Variants in CDH22 observed in about 807,000 individuals in gnomAD.
CDH22 encodes cadherin 22.
A neutral mutation model predicts 58.4 loss-of-function variants in CDH22; 30 were observed. The ratio of observed to expected loss-of-function variants is 0.51; its 90% CI spans 0.38 to 0.70. CDH22 has a LOEUF of 0.70. Ranked by LOEUF, CDH22 falls within the 30% of genes least tolerant of loss-of-function variation. CDH22 has a pLI of 0.00. For missense variants in CDH22, 1,014 were observed against 1,233.9 expected (o/e 0.82, Z 2.67); for synonymous variants, 513 against 558.2 (o/e 0.92, Z 1.14).
chr20:46,230,404 A>G (rs1034169955), intron 3 of CDH22, among the ~76,000 whole-genome samples: 6 of 152,078 alleles, frequency 3.9e-5, no homozygotes, highest in Non-Finnish European at 8.8e-5. Flanking sequence ...TACCAACATG[A>G]TATCAACTGG....
intron 1 of CDH22, among the ~76,000 whole-genome samples, chr20:46,263,362 A>G (rs935535384): frequency 6.6e-6 from 1 of 152,088 alleles, no homozygotes; most frequent in Non-Finnish European, 1.5e-5. Flanking sequence ...AGTATGCAGC[A>G]GTTAGAAAGT....
At position 46,178,094 on chromosome 20, in the gene CDH22, C is replaced by T. The variant is rs539673306; in HGVS notation, c.1767G>A (p.Leu589=). The T allele has an allele frequency of 2.6e-5, 42 of 1,613,960 alleles. No individual in the cohort carries two copies. The highest frequency in any genetic ancestry group is 3.3e-5 in the South Asian group (3 of 91,058). ...GGATGGTGAGCGTGCCTGTGCTGCTCAGTGTGGGCGGCCCACTGTCTACCA... is the reference window on the plus strand; with the variant it reads ...GGATGGTGAGCGTGCCTGTGCTGCTTAGTGTGGGCGGCCCACTGTCTACCA... The part of the protein sequence containing the change: ...ILVVDSGPPT[L]SSTGTLTIRI... The change falls in exon 11 of 12, where the codon CTG becomes CTA. Residue 589 remains leucine (L), a synonymous_variant. Coordinates refer to ENST00000537909, the MANE Select transcript of CDH22 (RefSeq NM_021248.3).
chr20:46,307,937 G>T (rs976554088), intron 1 of CDH22, among the ~76,000 whole-genome samples: 2 of 151,762 alleles, frequency 1.3e-5, no homozygotes, highest in Non-Finnish European at 2.9e-5. Context: ...CTCGGCCCGC[G>T]GGGGTCCCGG....
At chr20:46,189,908 G>A (rs2085851623) in intron 8 of CDH22, among the ~76,000 whole-genome samples, 1 of 151,958 alleles carries the variant, frequency 6.6e-6, no homozygotes. Flanking sequence ...ATCACCTGGA[G>A]AGCCTTTAAA....
Position 46,259,946 on chromosome 20 carries a change from T to C in CDH22, c.-399-8253A>G, listed in dbSNP as rs191830446. Reference sequence around the variant, plus strand: ...CTGCAAACAGCCAATTCATCCCCCATCCTTCTTTCTTGTTTCTATTTCATT... The same window carrying C: ...CTGCAAACAGCCAATTCATCCCCCACCCTTCTTTCTTGTTTCTATTTCATT... On this transcript the variant is annotated intron_variant, in intron 1 of 11. Coordinates refer to ENST00000537909, the MANE Select transcript of CDH22 (RefSeq NM_021248.3). Among the ~76,000 whole-genome samples the C allele has an allele frequency of 2.8e-3, 425 of 152,334 alleles. 7 individuals carry two copies. The highest frequency in any genetic ancestry group is 1.2e-3 in the Non-Finnish European group (80 of 68,022).
chr20:46,281,876 T>A (rs2086552504), intron 1 of CDH22, among the ~76,000 whole-genome samples: 1 of 152,248 alleles, frequency 6.6e-6, no homozygotes, highest in Admixed American at 6.5e-5. Flanking sequence ...ATGCTTACTA[T>A]GTGCGGAGCA....
intron 4 of CDH22, among the ~76,000 whole-genome samples, chr20:46,218,951 A>C (rs2086105323): frequency 6.6e-6 from 1 of 152,182 alleles, no homozygotes; most frequent in Non-Finnish European, 1.5e-5. Context: ...ATGCACCAGC[A>C]GCCCCATGCT....
At chr20:46,177,728 G>A (rs1198804878) in intron 11 of CDH22, among the ~76,000 whole-genome samples, 3 of 152,202 alleles carry the variant, frequency 2.0e-5, no homozygotes, top group Admixed American at 2.0e-4. Context: ...TGAATGGGGT[G>A]GGCCACAGTG....
chr20:46,282,356 G>C (rs892021156), intron 1 of CDH22, among the ~76,000 whole-genome samples: 35 of 152,076 alleles, frequency 2.3e-4, no homozygotes, highest in Non-Finnish European at 1.0e-4. Context: ...AGATGCATGG[G>C]GCCAAGTGCC....
At chr20:46,196,325 AG>A in intron 8 of CDH22, among the ~76,000 whole-genome samples, 1 of 151,524 alleles carries the variant, frequency 6.6e-6, no homozygotes, top group South Asian at 2.1e-4. Flanking sequence ...CCCAGGCTGG[AG>A]CGCAGGGGCA....
intron 3 of CDH22, among the ~76,000 whole-genome samples, chr20:46,233,665 A>T (rs2086234083): frequency 6.6e-6 from 1 of 152,190 alleles, no homozygotes; most frequent in African/African-American, 2.4e-5. Flanking sequence ...TTGTTGGATG[A>T]TTTGTTGATG....
intron 1 of CDH22, among the ~76,000 whole-genome samples, chr20:46,305,584 G>A (rs2086671798): frequency 1.3e-5 from 2 of 152,204 alleles, no homozygotes; most frequent in South Asian, 4.1e-4. Context: ...CTCCCTCCCA[G>A]GCCATGCAGT....
At chr20:46,252,415 C>G (rs1375737358) in intron 1 of CDH22, among the ~76,000 whole-genome samples, 1 of 152,218 alleles carries the variant, frequency 6.6e-6, no homozygotes, top group Non-Finnish European at 1.5e-5. Context: ...CTTTCCTCCC[C>G]ACTCTTGGAC....
At position 46,176,925 on chromosome 20, in the gene CDH22, T is replaced by G. The variant is rs1034939252; in HGVS notation, c.1915+1021A>C. Among the ~76,000 whole-genome samples, 18 of 152,250 alleles carry G rather than the reference T, an allele frequency of 1.2e-4. No homozygotes were observed. The East Asian group carries it at 1.5e-3, about 13-fold the overall frequency. The stretch of plus-strand genomic sequence containing the variant: ...GAGCACTGATGTGCACTTTCTTCGT[T>G]TGTGGGCAATTAGGCAGAACTTTGT... On this transcript the variant is annotated intron_variant, in intron 11 of 11. Transcript: ENST00000537909.
intron 8 of CDH22, among the ~76,000 whole-genome samples, chr20:46,193,398 G>C (rs1056476062): frequency 5.9e-5 from 9 of 152,136 alleles, no homozygotes; most frequent in African/African-American, 2.2e-4. Flanking sequence ...CACCTGCCCT[G>C]GTCCTGCCCT....
rs1284277848 is a variant in CDH22, at chr20:46,308,467, G to T, written c.-612C>A. ...AGAGCGAGAGAGCGAGGGAGTGAGCGAGCGAGCGGGAGCGAGGGAGTGTGC... is the reference window on the plus strand; with the variant it reads ...AGAGCGAGAGAGCGAGGGAGTGAGCTAGCGAGCGGGAGCGAGGGAGTGTGC... On this transcript the variant is annotated 5_prime_UTR_variant, in exon 1 of 12. Coordinates refer to ENST00000537909, the MANE Select transcript of CDH22 (RefSeq NM_021248.3). This position sits in a 1 kb window ranked among gnomAD's most constrained non-coding sequence, Gnocchi z 4.3. 3 of 213,426 alleles carry T rather than the reference G, an allele frequency of 1.4e-5. No individual in the cohort carries two copies. The highest frequency in any genetic ancestry group is 1.9e-5 in the Non-Finnish European group (2 of 105,738). 13.2% of individuals were successfully genotyped at this position (213,426 alleles called of 1,614,324 possible).
intron 1 of CDH22, among the ~76,000 whole-genome samples, chr20:46,294,823 T>C (rs532654703): frequency 6.6e-6 from 1 of 152,336 alleles, no homozygotes; most frequent in South Asian, 2.1e-4. Flanking sequence ...ATTCCTGGCA[T>C]TGGCTGTTCA....
intron 3 of CDH22, among the ~76,000 whole-genome samples, chr20:46,229,292 C>G (rs958304295): frequency 7.0e-6 from 1 of 143,304 alleles, no homozygotes; most frequent in Non-Finnish European, 1.5e-5. Flanking sequence ...CAGAGTGGCC[C>G]CCCCCCCCAA....
chr20:46,234,242 A>G (rs1240018551), intron 3 of CDH22, among the ~76,000 whole-genome samples: 3 of 152,202 alleles, frequency 2.0e-5, no homozygotes, highest in Non-Finnish European at 4.4e-5. Context: ...GTGATTTTCA[A>G]GCTGTGAAGT....
Sources: allele counts gnomAD v4.1 joint callset (sites outside exome capture counted in the v4.1 genomes callset), GRCh38; gene constraint gnomAD v4.1.1; non-coding constraint Gnocchi (gnomAD v3.1); transcripts MANE v1.5; gene names NCBI Gene and HGNC (gene_info 2026-07-23, HGNC 2026-07-21).